TSPAN16: variants seen among roughly 807,000 people sequenced by gnomAD.
TSPAN16 encodes the protein tetraspanin 16.
In TSPAN16, 23 loss-of-function variants were observed where a neutral mutation model predicts 25.2. The ratio of observed to expected loss-of-function variants is 0.91; its 90% CI spans 0.66 to 1.29. The LOEUF is 1.29. Among genes scored for constraint, TSPAN16 ranks in the 50% most tolerant of loss-of-function variants. The pLI, the probability that TSPAN16 is intolerant of heterozygous loss-of-function variation, is 0.00. For missense variants in TSPAN16, 272 were observed against 299.9 expected (o/e 0.91, Z 0.69); for synonymous variants, 123 against 124.4 (o/e 0.99, Z 0.08).
Position 11,298,150 on chromosome 19 carries a change from C to T in TSPAN16, c.78C>T (p.Gly26=), listed in dbSNP as rs756329070. ...SLLNGFVAVS[G]IILVGLGIGG... is the part of the protein sequence containing the mutation. ...TGGTTTCTGTTCTAAAGGTGTCTGG[C>T]ATCATCCTAGTTGGCCTGGGCATTG... is the stretch of plus-strand genomic sequence containing the variant. Residue 26 remains glycine, a synonymous_variant, in exon 2 of 7, where the codon GGC becomes GGT. Coordinates refer to ENST00000590327, the MANE Select transcript of TSPAN16 (RefSeq NM_001282509.2). 17 of 1,614,134 alleles carry T rather than the reference C, an allele frequency of 1.1e-5. No homozygotes were observed. In the Admixed American group the frequency reaches 2.5e-4, roughly 24 times the overall value.
downstream of TSPAN16, among the ~76,000 whole-genome samples, chr19:11,316,811 C>CTT (rs71164185): frequency 0.27 from 34,425 of 129,382 alleles, 4,669 homozygotes; most frequent in Middle Eastern, 0.32. Flanking sequence ...CCCCCCCCGC[C>CTT]TTTTTTTTTT....
At chr19:11,321,384 T>C (rs565264624) in intron 6 of TSPAN16, 2 of 152,312 alleles carry the variant, frequency 1.3e-5, no homozygotes, top group East Asian at 3.9e-4. Flanking sequence ...ACTCACTTGC[T>C]ATCAGGAGAA....
At chr19:11,315,376 T>TACA (rs1341439803) in intron 6 of TSPAN16, among the ~76,000 whole-genome samples, 5 of 148,238 alleles carry the variant, frequency 3.4e-5, no homozygotes, top group Non-Finnish European at 7.4e-5. Flanking sequence ...GCTAACACAA[T>TACA]AAAACCCCGT....
chr19:11,309,179 G>A (rs927876981), intron 5 of TSPAN16, among the ~76,000 whole-genome samples: 7 of 151,618 alleles, frequency 4.6e-5, no homozygotes, highest in Admixed American at 1.3e-4. Flanking sequence ...GCTGCACTCC[G>A]GCCTGGGCCA....
At chr19:11,298,409 G>T (rs890688608) in intron 2 of TSPAN16, 70 bp downstream of exon 2, 94 of 1,485,106 alleles carry the variant, frequency 6.3e-5, no homozygotes, top group Non-Finnish European at 8.6e-5. Context: ...TGTGCGTGTT[G>T]CAAACAACTT....
chr19:11,306,034 A>C (rs1343518404), intron 4 of TSPAN16, among the ~76,000 whole-genome samples: 1 of 152,028 alleles, frequency 6.6e-6, no homozygotes, highest in Non-Finnish European at 1.5e-5. Context: ...TTGGGAGGAC[A>C]AGGAGGGTGG....
In TSPAN16 at chr19:11,298,865, C is replaced by G; in HGVS notation, c.268-7C>G. 2 of 1,613,960 alleles carry G rather than the reference C, an allele frequency of 1.2e-6. No individual in the cohort carries two copies. The highest frequency in any genetic ancestry group is 8.5e-7 in the Non-Finnish European group (1 of 1,179,878). On this transcript the variant is annotated splice_region_variant and splice_polypyrimidine_tract_variant and intron_variant, in intron 2 of 6. Transcript: ENST00000590327. ...TCCCAGGCCCTCTCTCCCCGTGTGT[C>G]TTTTAGTGCATCCTGTCAATGGTTA...
In TSPAN16 at chr19:11,298,926, G is replaced by T. The variant is rs372945492; in HGVS notation, c.322G>T (p.Val108Phe). The stretch of plus-strand genomic sequence containing the variant: ...CATGGAAGTTACAGCTGCCACAGTG[G>T]TCCTTCTTTTCTTTCCAATTGTAAG... ...LIMEVTAATV[V>F]LLFFPIVGDV... is the part of the protein sequence containing the mutation. Residue 108 changes from valine to phenylalanine, a missense_variant, in exon 3 of 7, where the codon GTC (valine) becomes TTC (phenylalanine). Physicochemically the swap from Val to Phe is conservative, Grantham distance 50. Transcript: ENST00000590327. The T allele has an allele frequency of 1.4e-5, 23 of 1,613,896 alleles. No homozygotes were observed. In the South Asian group the frequency reaches 2.4e-4, roughly 17 times the overall value.
At chr19:11,311,456 GGTAT>G (rs2080691604) in intron 5 of TSPAN16, among the ~76,000 whole-genome samples, 1 of 151,830 alleles carries the variant, frequency 6.6e-6, no homozygotes, top group African/African-American at 2.4e-5. Context: ...TTTGAGACAG[GGTAT>G]TGCTGTGTCC....
intron 6 of TSPAN16, chr19:11,325,332 G>A: frequency 9.4e-7 from 1 of 1,063,120 alleles, no homozygotes; most frequent in Non-Finnish European, 1.4e-6. Flanking sequence ...AACCACTGTG[G>A]CTCACGCCTC....
In TSPAN16 at chr19:11,314,759, AGAGGGTAG is replaced by A. The variant is rs1483130288; in HGVS notation, c.688-1028_688-1021del. Among the ~76,000 whole-genome samples the A allele has an allele frequency of 1.7e-4, 26 of 152,166 alleles. No individual in the cohort carries two copies. In the East Asian group the frequency reaches 5.0e-3, roughly 29 times the overall value. On this transcript the variant is annotated intron_variant, in intron 6 of 6. Transcript: ENST00000590327. ...CCTGAAGGCTCTAGAAAGGGCATGA[AGAGGGTAG>A]GAGCCCAGAAGGAGGGGAAGAAAAG...
At chr19:11,320,019 C>G (rs1443948293), downstream of TSPAN16, among the ~76,000 whole-genome samples, 1 of 151,328 alleles carries the variant, frequency 6.6e-6, no homozygotes. Context: ...GGGGTCTTAC[C>G]GTGTTAGCCA....
At chr19:11,300,758 G>T (rs558417889) in intron 3 of TSPAN16, 2 of 159,670 alleles carry the variant, frequency 1.3e-5, no homozygotes, top group African/African-American at 2.4e-5. Context: ...TGTCAATTTC[G>T]AACCACGTGC....
chr19:11,305,582 T>C, intron 4 of TSPAN16, among the ~76,000 whole-genome samples: 1 of 151,896 alleles, frequency 6.6e-6, no homozygotes. Context: ...AAAATCCTTG[T>C]TGGGCCAGGT....
chr19:11,320,274 A>G (rs2080770631), downstream of TSPAN16, among the ~76,000 whole-genome samples: 1 of 152,062 alleles, frequency 6.6e-6, no homozygotes, highest in African/African-American at 2.4e-5. Context: ...GGCATGTGCC[A>G]CCAGGCCCAG....
At chr19:11,303,504 T>C (rs1352126694) in intron 4 of TSPAN16, among the ~76,000 whole-genome samples, 3 of 133,704 alleles carry the variant, frequency 2.2e-5, no homozygotes, top group East Asian at 2.1e-4. Flanking sequence ...ACTATTGTCC[T>C]ATGACCCTGC....
chr19:11,305,235 A>AAAT, intron 4 of TSPAN16, among the ~76,000 whole-genome samples: 1 of 152,264 alleles, frequency 6.6e-6, no homozygotes, highest in East Asian at 1.9e-4. Context: ...GGTACAAAAA[A>AAAT]AATCCTTGTT....
At chr19:11,315,596 TA>T (rs1402015042) in intron 6 of TSPAN16, among the ~76,000 whole-genome samples, 194 bp from the exon 7 acceptor site, 1 of 151,206 alleles carries the variant, frequency 6.6e-6, no homozygotes, top group Non-Finnish European at 1.5e-5. Flanking sequence ...TAATAATAAA[TA>T]AAAAATAAGT....
At chr19:11,316,960 G>A (rs2080752724), downstream of TSPAN16, among the ~76,000 whole-genome samples, 1 of 151,270 alleles carries the variant, frequency 6.6e-6, no homozygotes, top group Non-Finnish European at 1.5e-5. Context: ...ACAGGCGCCT[G>A]CCACCACGCC....
Sources: allele counts gnomAD v4.1 joint callset (sites outside exome capture counted in the v4.1 genomes callset), GRCh38; gene constraint gnomAD v4.1.1; transcripts MANE v1.5; gene names NCBI Gene and HGNC (gene_info 2026-07-23, HGNC 2026-07-21).